The following TTC14 variants were observed in gnomAD, a reference collection of about 807,000 sequenced individuals.
TTC14 encodes tetratricopeptide repeat protein 14.
A neutral mutation model predicts 79.9 loss-of-function variants in TTC14; 63 were observed. The ratio of observed to expected loss-of-function variants is 0.79; its 90% confidence interval spans 0.64 to 0.97. The LOEUF is 0.97. TTC14 is among the 50% of genes least tolerant of loss of function. The probability of loss-of-function intolerance (pLI) is 0.00; values close to 1 mark genes in which losing one functional copy is unlikely to be tolerated. For synonymous variants in TTC14, 335 were observed against 309.6 expected (o/e 1.08, Z -0.86); for missense variants, 895 against 894.0 (o/e 1.00, Z -0.01).
rs367677431 is a variant in TTC14, at chr3:180,610,557, C to T, written c.*15C>T. ...CAAAAAATTAATACACCAAGGATAT[C>T]GGCACCATTACACAAAATGCCATTA... On this transcript the variant is annotated 3_prime_UTR_variant, in exon 12 of 12. Coordinates refer to ENST00000296015, the MANE Select transcript of TTC14 (RefSeq NM_133462.4). 2.6e-5 allele frequency: 40 copies of T among 1,541,818 alleles called. No individual in the cohort carries two copies. The African/African-American group carries it at 2.6e-4, about 10-fold the overall frequency.
Position 180,610,062 on chromosome 3 carries a change from C to G in TTC14, c.1833C>G (p.Ser611Arg). 6.2e-7 allele frequency: 1 copy of G among 1,613,814 alleles called. No homozygotes were observed. The highest frequency in any genetic ancestry group is 1.1e-5 in the South Asian group (1 of 91,060). ...GCTATAAAACCCAAGCAGGTAGTAG[C>G]AAAACAGAAAAGCCATATAAATCAG... ...YNSYKTQAGS[S>R]KTEKPYKSER... is the part of the protein sequence containing the mutation. The change falls in exon 12 of 12, where the codon AGC (serine) becomes AGG (arginine). Residue 611 changes from serine (S) to arginine (R), a missense_variant. Ser to Arg is a moderately radical substitution (Grantham distance 110). Transcript: ENST00000296015.
chr3:180,605,516 C>T (rs892387245), intron 6 of TTC14: 12 of 319,632 alleles, frequency 3.8e-5, no homozygotes, highest in African/African-American at 4.5e-5. Context: ...CTCCTGACCT[C>T]GTGATCCACC....
chr3:180,610,037 G>C lies in TTC14; in HGVS notation c.1808G>C (p.Ser603Thr), dbSNP rs750531607. ...RSEDPRDFYN[S>T]YKTQAGSSKT... ...GAAGATCCAAGAGATTTTTATAACA[G>C]CTATAAAACCCAAGCAGGTAGTAGC... The change falls in exon 12 of 12, where the codon AGC becomes ACC. Residue 603 changes from serine to threonine, a missense_variant. Coordinates refer to ENST00000296015, the MANE Select transcript of TTC14 (RefSeq NM_133462.4). The C allele has an allele frequency of 9.9e-6, 16 of 1,613,976 alleles. No homozygotes were observed. The Middle Eastern group carries it at 8.2e-4, about 83-fold the overall frequency.
downstream of TTC14, chr3:180,614,083 C>T (rs1717124359): frequency 4.3e-6 from 1 of 233,412 alleles, no homozygotes; most frequent in Admixed American, 5.3e-5. Context: ...AAGTGTTGGG[C>T]ACATGTTATA....
In TTC14 at chr3:180,609,908, A is replaced by G; in HGVS notation, c.1679A>G (p.Lys560Arg). The change falls in exon 12 of 12, where the codon AAG (lysine) becomes AGG (arginine). Residue 560 changes from lysine to arginine, a missense_variant. By Grantham distance (26) the Lys-to-Arg change is conservative. Transcript: ENST00000296015. Reference protein sequence around the residue: ...HKQEVEKLLGKQDRLQYEKTQ... With the variant: ...HKQEVEKLLGRQDRLQYEKTQ... Reference sequence around the variant, plus strand: ...CAAGAAGTGGAGAAACTACTGGGGAAGCAGGATAGGTTACAGTATGAAAAG... The same window carrying G: ...CAAGAAGTGGAGAAACTACTGGGGAGGCAGGATAGGTTACAGTATGAAAAG... 6.2e-7 allele frequency: 1 copy of G among 1,614,064 alleles called. No homozygotes were observed. The highest frequency in any genetic ancestry group is 1.7e-5 in the Admixed American group (1 of 60,018).
intron 5 of TTC14, 36 bp downstream of exon 5, chr3:180,604,643 A>G: frequency 6.3e-7 from 1 of 1,578,674 alleles, no homozygotes; most frequent in South Asian, 1.2e-5. Flanking sequence ...ACAGTTCATT[A>G]CAAAAGTCTC....
downstream of TTC14, chr3:180,613,830 C>T (rs1266750127): frequency 6.6e-6 from 3 of 452,672 alleles, no homozygotes; most frequent in Admixed American, 7.2e-5. Flanking sequence ...TTTCGCCCAC[C>T]TTATTCTTGA....
intron 1 of TTC14, 136 bp downstream of exon 1, chr3:180,602,558 G>T: frequency 8.2e-7 from 1 of 1,223,144 alleles, no homozygotes; most frequent in African/African-American, 1.5e-5. Context: ...CTGGTGTCTT[G>T]GGCTGGGTGG....
intron 12 of TTC14, chr3:180,616,335 G>A: frequency 6.2e-7 from 1 of 1,613,210 alleles, no homozygotes; most frequent in Non-Finnish European, 8.5e-7. Flanking sequence ...ACTGCCTTTT[G>A]TGCTAGCTGT....
intron 12 of TTC14, chr3:180,616,420 A>G (rs1717244616): frequency 2.0e-6 from 3 of 1,521,898 alleles, no homozygotes; most frequent in African/African-American, 1.4e-5. Context: ...TAGAAGATAA[A>G]TATTTTTAAT....
intron 3 of TTC14, 54 bp downstream of exon 3, chr3:180,603,377 G>T (rs755034112): frequency 1.4e-6 from 2 of 1,433,596 alleles, no homozygotes; most frequent in Non-Finnish European, 2.0e-6. Flanking sequence ...GCATCTCAAT[G>T]CAAGAACTAT....
At chr3:180,613,032 ATC>A (rs1395557295), downstream of TTC14, among the ~76,000 whole-genome samples, 2 of 152,236 alleles carry the variant, frequency 1.3e-5, no homozygotes, top group Admixed American at 6.5e-5. Context: ...CAAATGAGAT[ATC>A]TCTCATCAGT....
rs147383777 is a variant in TTC14 at position 180,605,796 on chromosome 3, T to C, written c.888T>C (p.Ser296=). 4.2e-4 allele frequency: 663 copies of C among 1,570,098 alleles called. 7 individuals are homozygous for C. The African/African-American group carries it at 8.0e-3, about 19-fold the overall frequency. ...ATTTCTCTGAAGATGATTTTGCTTC[T>C]GCATTGAGAAAAAAACAATCCGCAT... ...SKNFSEDDFA[S]ALRKKQSASW... Residue 296 remains serine (S), a synonymous_variant, in exon 7 of 12, where the codon TCT becomes TCC. Coordinates refer to ENST00000296015, the MANE Select transcript of TTC14 (RefSeq NM_133462.4).
In TTC14 at chr3:180,607,863, G is replaced by A. The variant is rs373967355; in HGVS notation, c.1290+98G>A. Reference sequence around the variant, plus strand: ...AAACTATTCTACATTACTTAAGTAAGGCATTATGAAAAGTTTCTTTTTAGG... The same window carrying A: ...AAACTATTCTACATTACTTAAGTAAAGCATTATGAAAAGTTTCTTTTTAGG... On this transcript the variant is annotated intron_variant, in intron 10 of 11. Transcript: ENST00000296015. 13 of 1,522,118 alleles carry A rather than the reference G, an allele frequency of 8.5e-6. No individual in the cohort carries two copies. In the African/African-American group the frequency reaches 1.3e-4, roughly 15 times the overall value. The allele number at this position is 1,522,118 out of a possible 1,614,324, so 94.3% of individuals were successfully genotyped here.
Position 180,609,894 on chromosome 3 carries a change from G to A in TTC14, c.1665G>A (p.Glu555=). 6.2e-7 allele frequency: 1 copy of A among 1,613,970 alleles called. No homozygotes were observed. The highest frequency in any genetic ancestry group is 8.5e-7 in the Non-Finnish European group (1 of 1,179,934). ...TTCTTAACCATAAACAAGAAGTGGAGAAACTACTGGGGAAGCAGGATAGGT... is the reference window on the plus strand; with the variant it reads ...TTCTTAACCATAAACAAGAAGTGGAAAAACTACTGGGGAAGCAGGATAGGT... The part of the protein sequence containing the change: ...ASFLNHKQEV[E]KLLGKQDRLQ... The change falls in exon 12 of 12, where the codon GAG becomes GAA. Residue 555 remains glutamate (E), a synonymous_variant. Transcript: ENST00000296015.
chr3:180,603,373 C>A, intron 3 of TTC14, 50 bp downstream of exon 3: 1 of 1,460,034 alleles, frequency 6.8e-7, no homozygotes, highest in South Asian at 1.1e-5. Context: ...TAACGCATCT[C>A]AATGCAAGAA....
At chr3:180,607,503 G>A in intron 9 of TTC14, 145 bp from the exon 10 acceptor site, 28 of 1,254,286 alleles carry the variant, frequency 2.2e-5, no homozygotes, top group Non-Finnish European at 2.9e-5. Context: ...ACAGTAAAAA[G>A]CATATTATTT....
At chr3:180,616,206 G>T in intron 12 of TTC14, 2 of 1,243,128 alleles carry the variant, frequency 1.6e-6, no homozygotes, top group Non-Finnish European at 2.4e-6. Context: ...CAGCTGCGGT[G>T]ATGTAGAAGT....
In TTC14 at chr3:180,609,876, C is replaced by T. The variant is rs775934030; in HGVS notation, c.1647C>T (p.Asn549=). The change falls in exon 12 of 12, where the codon AAC becomes AAT. Residue 549 remains asparagine (N), a synonymous_variant. Transcript: ENST00000296015. Reference sequence around the variant, plus strand: ...CTAATACTTCAGCATCTTTTCTTAACCATAAACAAGAAGTGGAGAAACTAC... The same window carrying T: ...CTAATACTTCAGCATCTTTTCTTAATCATAAACAAGAAGTGGAGAAACTAC... ...VPANTSASFL[N]HKQEVEKLLG... is the part of the protein sequence containing the mutation. 4.8e-5 allele frequency: 77 copies of T among 1,613,664 alleles called. No individual in the cohort carries two copies. The East Asian group carries it at 1.1e-3, about 23-fold the overall frequency.
Sources: gnomAD v4.1 joint callset for allele counts (sites outside exome capture counted in the v4.1 genomes callset) on GRCh38, gnomAD v4.1.1 for gene constraint, MANE v1.5 for transcripts, NCBI Gene and HGNC (gene_info 2026-07-23, HGNC 2026-07-21) for gene names.